Variants in SOX5 observed in about 807,000 individuals in gnomAD.
The protein encoded by SOX5 is transcription factor SOX-5.
A neutral mutation model predicts 92.0 loss-of-function variants in SOX5; 9 were observed. The ratio of observed to expected loss-of-function variants is 0.10; its 90% CI spans 0.06 to 0.17. The LOEUF is 0.17. Among genes scored for constraint, SOX5 ranks in the 10% least tolerant of loss-of-function variants. The pLI, the probability that SOX5 is intolerant of heterozygous loss-of-function variation, is 1.00. For missense variants in SOX5, 642 were observed against 944.5 expected, an observed-to-expected ratio of 0.68 and a Z score of 4.20; for synonymous variants, 344 against 336.3, an observed-to-expected ratio of 1.02 and a Z score of -0.25.
chr12:24,145,967 A>G (rs2138738334), intron 4 of SOX5, among the ~76,000 whole-genome samples: 1 of 152,364 alleles, frequency 6.6e-6, no homozygotes, highest in African/African-American at 2.4e-5. Flanking sequence ...TGAATGAGAT[A>G]ACAGAGGTGC....
intron 14 of SOX5, 130 bp downstream of exon 14, chr12:23,536,323 G>A: frequency 1.4e-6 from 1 of 712,422 alleles, no homozygotes; most frequent in Non-Finnish European, 2.4e-6. Context: ...GAGACTATTT[G>A]TCTCTGAAAA....
Position 23,966,265 on chromosome 12 carries a change from C to G in SOX5, c.-1-70241G>C, listed in dbSNP as rs1947574046. Among the ~76,000 whole-genome samples the G allele has an allele frequency of 6.2e-5, 8 of 128,318 alleles. No homozygotes were observed. The South Asian group carries it at 1.9e-3, about 30-fold the overall frequency. 84.2% of individuals were successfully genotyped at this position (128,318 alleles called of 152,430 possible). ...AAGCTGTTTGGGTAAAGGGCCTGTA[C>G]TGACTTTTTCTCCTACCAGAATGAG... On this transcript the variant is annotated intron_variant, in intron 4 of 4. Coordinates refer to the SOX5 transcript ENST00000446891.
At chr12:23,646,054 C>G (rs952861747) in intron 7 of SOX5, among the ~76,000 whole-genome samples, 1 of 152,076 alleles carries the variant, frequency 6.6e-6, no homozygotes. Context: ...ATCATCTGAG[C>G]CTTCAGTGAG....
intron 3 of SOX5, among the ~76,000 whole-genome samples, chr12:23,799,310 C>T (rs2095620648): frequency 6.6e-6 from 1 of 152,038 alleles, no homozygotes; most frequent in Non-Finnish European, 1.5e-5. Context: ...TTAGAGTCAG[C>T]ACCTTCCTTC....
chr12:24,062,413 G>A (rs886114977), intron 4 of SOX5, among the ~76,000 whole-genome samples: 6 of 152,300 alleles, frequency 3.9e-5, no homozygotes, highest in East Asian at 1.9e-4. Context: ...GTTGTTTGCC[G>A]AAAAGAAATT....
chr12:24,180,721 A>G (rs919674926), intron 4 of SOX5, among the ~76,000 whole-genome samples: 2 of 152,234 alleles, frequency 1.3e-5, no homozygotes, highest in African/African-American at 2.4e-5. Flanking sequence ...TATAAATCAT[A>G]AACATCTATT....
At chr12:23,886,148 A>G (rs2097061729) in intron 2 of SOX5, among the ~76,000 whole-genome samples, 1 of 152,106 alleles carries the variant, frequency 6.6e-6, no homozygotes, top group African/African-American at 2.4e-5. Flanking sequence ...TTTCTTTACT[A>G]TTGAATTGTT....
chr12:24,029,220 A>T (rs762844811), intron 4 of SOX5, among the ~76,000 whole-genome samples: 1 of 151,966 alleles, frequency 6.6e-6, no homozygotes, highest in African/African-American at 2.4e-5. Flanking sequence ...CTGCAGTTAA[A>T]TGTACCTTAA....
chr12:24,047,681 C>A (rs779541152), intron 4 of SOX5, among the ~76,000 whole-genome samples: 1 of 152,192 alleles, frequency 6.6e-6, no homozygotes, highest in Non-Finnish European at 1.5e-5. Flanking sequence ...GCAAATACCT[C>A]GGCTTTACAC....
At chr12:23,905,819 CAAGA>C (rs1696542920) in intron 1 of SOX5, among the ~76,000 whole-genome samples, 1 of 152,004 alleles carries the variant, frequency 6.6e-6, no homozygotes, top group African/African-American at 2.4e-5. Flanking sequence ...TCATGATTTA[CAAGA>C]AAGAGTATGG....
At position 24,506,692 on chromosome 12, in the gene SOX5, T is replaced by C. The variant is rs183555706; in HGVS notation, c.-251+55637A>G. 1.1e-3 allele frequency among the ~76,000 whole-genome samples: 161 copies of C among 151,820 alleles called. 2 individuals are homozygous for C. The highest frequency in any genetic ancestry group is 2.9e-3 in the African/African-American group (118 of 41,400). On this transcript the variant is annotated intron_variant, in intron 1 of 4. Transcript: ENST00000446891. ...CTGCTGATCAGAGCCTTGAAGAATC[T>C]ATTAAAATTTAGACAGATAATCAAA...
chr12:23,851,690 GTAC>G (rs2096635582), intron 2 of SOX5, among the ~76,000 whole-genome samples: 1 of 151,756 alleles, frequency 6.6e-6, no homozygotes, highest in East Asian at 1.9e-4. Context: ...AATAAGAGAG[GTAC>G]TTTTGTTTGG....
intron 4 of SOX5, among the ~76,000 whole-genome samples, chr12:24,090,489 A>T (rs77417617): frequency 0.038 from 5,728 of 152,280 alleles, 138 homozygotes; most frequent in Admixed American, 0.059. Context: ...ACAAAATTAT[A>T]TATTAGTACA....
Position 24,553,454 on chromosome 12 carries a change from T to C in SOX5, c.-251+8875A>G, listed in dbSNP as rs184342756. Among the ~76,000 whole-genome samples, 268 of 152,336 alleles carry C rather than the reference T, an allele frequency of 1.8e-3. 1 individual carries two copies. Among genetic ancestry groups the C allele is most frequent in the African/African-American group, 6.4e-3 (268 of 41,574 alleles). ...TTCCTACTTCCCCATCGTGCAGGGCTGCCTTGACTCAATATGAAACTCATC... is the reference window on the plus strand; with the variant it reads ...TTCCTACTTCCCCATCGTGCAGGGCCGCCTTGACTCAATATGAAACTCATC... On this transcript the variant is annotated intron_variant, in intron 1 of 4. Coordinates refer to the SOX5 transcript ENST00000446891.
At chr12:24,099,211 T>G (rs1406761965) in intron 4 of SOX5, among the ~76,000 whole-genome samples, 2 of 152,280 alleles carry the variant, frequency 1.3e-5, no homozygotes, top group East Asian at 3.9e-4. Context: ...TCAGGCTGCA[T>G]GTGATCAACC....
intron 1 of SOX5, among the ~76,000 whole-genome samples, chr12:23,913,428 C>T (rs115018617): frequency 0.022 from 3,373 of 151,322 alleles, 109 homozygotes; most frequent in African/African-American, 0.077. Flanking sequence ...AAATATTTGA[C>T]GACTGTTCTA....
intron 3 of SOX5, among the ~76,000 whole-genome samples, chr12:24,235,694 G>A (rs1964338561): frequency 6.6e-6 from 1 of 152,092 alleles, no homozygotes; most frequent in Non-Finnish European, 1.5e-5. Flanking sequence ...TATAACTAGT[G>A]ATTTCATATG....
At chr12:24,488,514 A>G (rs1310947833) in intron 1 of SOX5, among the ~76,000 whole-genome samples, 3 of 152,138 alleles carry the variant, frequency 2.0e-5, no homozygotes, top group Non-Finnish European at 4.4e-5. Flanking sequence ...CAAACCCAGG[A>G]GTTCAAGGCT....
At chr12:23,940,090 G>C (rs887774185) in intron 1 of SOX5, among the ~76,000 whole-genome samples, 2 of 150,920 alleles carry the variant, frequency 1.3e-5, no homozygotes, top group Admixed American at 6.6e-5. Flanking sequence ...TTAGATCCCT[G>C]ACCTAAAGTG....
Sources: gnomAD v4.1 joint callset for allele counts (sites outside exome capture counted in the v4.1 genomes callset) on GRCh38, gnomAD v4.1.1 for gene constraint, MANE v1.5 for transcripts, NCBI Gene and HGNC (gene_info 2026-07-23, HGNC 2026-07-21) for gene names.